FOXP2: variants seen among roughly 807,000 people sequenced by gnomAD.
FOXP2 encodes the protein forkhead box protein P2.
In FOXP2, 12 loss-of-function variants were observed where a neutral mutation model predicts 115.8. The ratio of observed to expected loss-of-function variants is 0.10; its 90% CI spans 0.07 to 0.17. FOXP2 has a LOEUF of 0.17. Among genes scored for constraint, FOXP2 ranks in the 10% least tolerant of loss-of-function variants. The pLI is 1.00. For synonymous variants in FOXP2, 328 were observed against 297.7 expected (o/e 1.10, Z -1.05); for missense variants, 629 against 843.5 (o/e 0.75, Z 3.15).
intron 2 of FOXP2, among the ~76,000 whole-genome samples, chr7:114,403,121 T>G (rs1249724260): frequency 6.6e-6 from 1 of 152,196 alleles, no homozygotes; most frequent in African/African-American, 2.4e-5. Context: ...CTGTATATTA[T>G]GTAACAGCCC....
At chr7:114,588,341 C>A (rs1802257646) in intron 3 of FOXP2, among the ~76,000 whole-genome samples, 1 of 151,710 alleles carries the variant, frequency 6.6e-6, no homozygotes, top group Non-Finnish European at 1.5e-5. Context: ...AAAAAACAAA[C>A]AAACAAAAAA....
intron 2 of FOXP2, among the ~76,000 whole-genome samples, chr7:114,493,513 A>G (rs912063575): frequency 6.6e-6 from 1 of 152,176 alleles, no homozygotes; most frequent in Non-Finnish European, 1.5e-5. Flanking sequence ...CTTTCACTCA[A>G]TAGTGCTGTG....
At chr7:114,631,329 G>A (rs1431879841) in intron 5 of FOXP2, among the ~76,000 whole-genome samples, 199 bp from the exon 6 acceptor site, 1 of 151,982 alleles carries the variant, frequency 6.6e-6, no homozygotes, top group African/African-American at 2.4e-5. Flanking sequence ...AAGTTCCTTG[G>A]TTCTCTAACA....
rs80142679 is a variant in FOXP2, at chr7:114,157,426, G to T, written c.-246-5518G>T. On this transcript the variant is annotated intron_variant, in intron 1 of 19. Transcript: ENST00000635638. ...GGTAACATTTGGACAAATAGAATTT[G>T]AATAGAGACATGCTAAGTGGAGCAA... Among the ~76,000 whole-genome samples, 948 of 152,174 alleles carry T rather than the reference G, an allele frequency of 6.2e-3. 11 individuals carry two copies. The highest frequency in any genetic ancestry group is 0.022 in the African/African-American group (907 of 41,524).
At chr7:114,464,808 C>G (rs1030802270) in intron 2 of FOXP2, among the ~76,000 whole-genome samples, 1 of 152,126 alleles carries the variant, frequency 6.6e-6, no homozygotes, top group Non-Finnish European at 1.5e-5. Context: ...ATCAAAAGAA[C>G]CAACCAAACA....
At chr7:114,633,260 A>C (rs1440994378) in intron 6 of FOXP2, among the ~76,000 whole-genome samples, 1 of 152,164 alleles carries the variant, frequency 6.6e-6, no homozygotes, top group East Asian at 1.9e-4. Flanking sequence ...AGCAAAAAAC[A>C]TCTCTCTGAA....
At chr7:114,551,449 A>G (rs542871288) in intron 3 of FOXP2, among the ~76,000 whole-genome samples, 1 of 152,294 alleles carries the variant, frequency 6.6e-6, no homozygotes, top group African/African-American at 2.4e-5. Context: ...TATGGAATAA[A>G]TTGGGTTTCT....
intron 10 of FOXP2, among the ~76,000 whole-genome samples, chr7:114,654,475 G>T (rs911933876): frequency 6.6e-6 from 1 of 151,916 alleles, no homozygotes; most frequent in African/African-American, 2.4e-5. Context: ...AGCCAATTTT[G>T]TCCTATTTCT....
intron 1 of FOXP2, among the ~76,000 whole-genome samples, chr7:114,255,006 T>C (rs1795569282): frequency 6.6e-6 from 1 of 152,196 alleles, no homozygotes; most frequent in Non-Finnish European, 1.5e-5. Context: ...GTTTTCCTTC[T>C]AACAATCAGG....
At chr7:114,196,910 G>A (rs1240464651) in intron 1 of FOXP2, among the ~76,000 whole-genome samples, 1 of 152,036 alleles carries the variant, frequency 6.6e-6, no homozygotes, top group East Asian at 1.9e-4. Flanking sequence ...CCCAAATTTG[G>A]GCTGGACATG....
chr7:114,363,765 T>C (rs2129188007), intron 2 of FOXP2, among the ~76,000 whole-genome samples: 1 of 152,256 alleles, frequency 6.6e-6, no homozygotes, highest in East Asian at 1.9e-4. Context: ...AATCCCTGGA[T>C]TCAGACGTTG....
chr7:114,518,107 G>T (rs1027868350), intron 2 of FOXP2, among the ~76,000 whole-genome samples: 2 of 152,022 alleles, frequency 1.3e-5, no homozygotes, highest in Admixed American at 1.3e-4. Flanking sequence ...ATTTTAAATT[G>T]ATTTTGTAAA....
At chr7:114,588,062 C>T (rs1802236168) in intron 3 of FOXP2, among the ~76,000 whole-genome samples, 1 of 151,694 alleles carries the variant, frequency 6.6e-6, no homozygotes, top group South Asian at 2.1e-4. Context: ...GTGATCCCAG[C>T]ACTTTGGGAG....
intron 1 of FOXP2, among the ~76,000 whole-genome samples, chr7:114,234,363 G>A (rs1042344013): frequency 1.3e-5 from 2 of 152,134 alleles, no homozygotes; most frequent in Admixed American, 1.3e-4. Flanking sequence ...GATCAAGAAT[G>A]TGACTTTCTT....
Position 114,211,570 on chromosome 7 carries a change from C to T in FOXP2, c.-102+48482C>T, listed in dbSNP as rs991392763. Among the ~76,000 whole-genome samples, 11 of 152,264 alleles carry T rather than the reference C, an allele frequency of 7.2e-5. 1 individual carries two copies. The South Asian group carries it at 1.9e-3, about 26-fold the overall frequency. On this transcript the variant is annotated intron_variant, in intron 1 of 17. Transcript: ENST00000634411. The stretch of plus-strand genomic sequence containing the variant: ...TCGAAGGTGCTGAATTCACTTGCCC[C>T]GTTCACATTCCTCTTTGTGAGTGCT...
At chr7:114,328,298 G>A (rs1200533589) in intron 2 of FOXP2, among the ~76,000 whole-genome samples, 4 of 145,620 alleles carry the variant, frequency 2.7e-5, no homozygotes, top group Admixed American at 1.4e-4. Flanking sequence ...GTCCAGTGGC[G>A]CGATCTCGGC....
intron 4 of FOXP2, 162 bp from the exon 5 acceptor site, chr7:114,629,640 AATG>A: frequency 6.3e-7 from 1 of 1,591,802 alleles, no homozygotes; most frequent in Non-Finnish European, 8.5e-7. Flanking sequence ...CTTGGAAAAA[AATG>A]TATGTAGAGC....
chr7:114,222,293 C>T (rs765624597), intron 1 of FOXP2, among the ~76,000 whole-genome samples: 14 of 152,106 alleles, frequency 9.2e-5, no homozygotes, highest in Non-Finnish European at 1.3e-4. Context: ...GTAGCTGGGA[C>T]TACAGGCATG....
At chr7:114,097,169 G>T (rs57160495) in intron 1 of FOXP2, among the ~76,000 whole-genome samples, 14,515 of 152,032 alleles carry the variant, frequency 0.095, 1,511 homozygotes, top group East Asian at 0.57. Context: ...AATTCACCAC[G>T]TTTTAGTGTA....
Sources: gnomAD v4.1 joint callset for allele counts (sites outside exome capture counted in the v4.1 genomes callset) on GRCh38, gnomAD v4.1.1 for gene constraint, MANE v1.5 for transcripts, NCBI Gene and HGNC (gene_info 2026-07-23, HGNC 2026-07-21) for gene names.